The following PACRG variants were observed in gnomAD, a reference collection of about 807,000 sequenced individuals.
PACRG encodes the protein parkin coregulated gene protein.
A neutral mutation model predicts 29.7 loss-of-function variants in PACRG; 29 were observed. The ratio of observed to expected loss-of-function variants is 0.98; its 90% CI spans 0.73 to 1.33. The LOEUF (loss-of-function observed/expected upper bound fraction) is 1.33. Among genes scored for constraint, PACRG ranks in the 40% most tolerant of loss-of-function variants. The probability of loss-of-function intolerance (pLI) is 0.00; values close to 1 mark genes in which losing one functional copy is unlikely to be tolerated. For missense variants in PACRG, 279 were observed against 316.2 expected (o/e 0.88, Z 0.89); for synonymous variants, 116 against 118.7 (o/e 0.98, Z 0.15).
rs1382237006 is a variant in PACRG, at chr6:163,055,608, A to G, written c.292-6542A>G. Among the ~76,000 whole-genome samples the G allele has an allele frequency of 6.6e-6, 1 of 152,246 alleles. No homozygotes were observed. Among genetic ancestry groups the G allele is most frequent in the African/African-American group, 2.4e-5 (1 of 41,458 alleles). ...GTTAAAAAAGTTTGTGTCTCAAAATATAATGGCAAATTGTTATTCTATTAT... is the reference window on the plus strand; with the variant it reads ...GTTAAAAAAGTTTGTGTCTCAAAATGTAATGGCAAATTGTTATTCTATTAT... On this transcript the variant is annotated intron_variant, in intron 2 of 4. Coordinates refer to ENST00000366888, the MANE Select transcript of PACRG (RefSeq NM_001080379.2). The surrounding 1 kb of genome is among the most constrained non-coding windows in gnomAD (Gnocchi z 4.0).
In PACRG at chr6:163,041,036, A is replaced by G. The variant is rs576252369; in HGVS notation, c.292-21114A>G. Among the ~76,000 whole-genome samples, 3 of 152,196 alleles carry G rather than the reference A, an allele frequency of 2.0e-5. No homozygotes were observed. In the South Asian group the frequency reaches 6.2e-4, roughly 32 times the overall value. ...GTGTCCTCACCCAAATCTTATCTCA[A>G]ATTATAATCCCCATACATCAGCCGG... On this transcript the variant is annotated intron_variant, in intron 2 of 4. Coordinates refer to ENST00000366888, the MANE Select transcript of PACRG (RefSeq NM_001080379.2).
intron 2 of PACRG, among the ~76,000 whole-genome samples, chr6:162,912,358 AT>A (rs2128079284): frequency 6.6e-6 from 1 of 152,286 alleles, no homozygotes; most frequent in Admixed American, 6.5e-5. Context: ...CAGTAGCAGA[AT>A]CAACTGGTCT....
chr6:163,107,936 A>G (rs1268709785), intron 4 of PACRG, among the ~76,000 whole-genome samples: 1 of 152,204 alleles, frequency 6.6e-6, no homozygotes, highest in Non-Finnish European at 1.5e-5. Flanking sequence ...ATTTCAAGTT[A>G]TTTTATAGCC....
chr6:162,896,589 G>A (rs1317554997), intron 2 of PACRG, among the ~76,000 whole-genome samples: 1 of 152,168 alleles, frequency 6.6e-6, no homozygotes, highest in Non-Finnish European at 1.5e-5. Flanking sequence ...AACTATGATA[G>A]GAAGGTTGTG....
At chr6:162,744,219 G>A (rs998199100) in intron 1 of PACRG, among the ~76,000 whole-genome samples, 4 of 152,206 alleles carry the variant, frequency 2.6e-5, no homozygotes, top group African/African-American at 9.6e-5. Flanking sequence ...TTGAAAAAAA[G>A]ACTTTTTTTG....
intron 2 of PACRG, among the ~76,000 whole-genome samples, chr6:162,931,925 G>C (rs1170573995): frequency 6.6e-6 from 1 of 151,972 alleles, no homozygotes; most frequent in Non-Finnish European, 1.5e-5. Flanking sequence ...CAGAAGGAAA[G>C]AAAATGTATG....
chr6:162,815,038 G>A (rs1340945962), intron 2 of PACRG, among the ~76,000 whole-genome samples: 1 of 152,142 alleles, frequency 6.6e-6, no homozygotes, highest in East Asian at 1.9e-4. Context: ...TCTCTAACCA[G>A]CTTCTGCTAT....
At chr6:163,282,197 G>A (rs776813417) in intron 4 of PACRG, among the ~76,000 whole-genome samples, 1 of 152,140 alleles carries the variant, frequency 6.6e-6, no homozygotes, top group Non-Finnish European at 1.5e-5. Context: ...ACTTTGAGGT[G>A]ATATACAAAT....
intron 2 of PACRG, among the ~76,000 whole-genome samples, chr6:162,887,500 G>A (rs957754274): frequency 6.6e-6 from 1 of 152,162 alleles, no homozygotes; most frequent in Non-Finnish European, 1.5e-5. Context: ...GTATCGTATT[G>A]CATGTGATTT....
intron 4 of PACRG, among the ~76,000 whole-genome samples, chr6:163,304,463 T>C (rs768401285): frequency 4.6e-5 from 7 of 152,138 alleles, no homozygotes; most frequent in Non-Finnish European, 1.0e-4. Context: ...TATAACATAA[T>C]TACCATGATC....
At chr6:162,893,884 C>T (rs539560005) in intron 2 of PACRG, among the ~76,000 whole-genome samples, 8 of 152,284 alleles carry the variant, frequency 5.3e-5, no homozygotes, top group African/African-American at 1.9e-4. Context: ...CACTCACCAG[C>T]GAGAGTTGTC....
chr6:163,008,566 C>T (rs2128208001), intron 2 of PACRG, among the ~76,000 whole-genome samples: 1 of 150,762 alleles, frequency 6.6e-6, no homozygotes, highest in Admixed American at 6.6e-5. Context: ...TCGTTTGTGT[C>T]AAGTTTTAAG....
chr6:162,880,893 CA>C lies in PACRG; in HGVS notation c.291+66613del, dbSNP rs139064986. On this transcript the variant is annotated intron_variant, in intron 2 of 4. Coordinates refer to ENST00000366888, the MANE Select transcript of PACRG (RefSeq NM_001080379.2). ...CCACCTTGTGTAGCAAAGCATGCGCCAGGGGTGCATCGTTCAGGGCGTGGCA... is the reference window on the plus strand; with the variant it reads ...CCACCTTGTGTAGCAAAGCATGCGCCGGGGTGCATCGTTCAGGGCGTGGCA... Among the ~76,000 whole-genome samples the C allele has an allele frequency of 3.7e-3, 568 of 152,320 alleles. 3 individuals carry two copies. The highest frequency in any genetic ancestry group is 0.013 in the African/African-American group (545 of 41,568).
chr6:163,144,347 TACACAC>T (rs34737289), intron 4 of PACRG, among the ~76,000 whole-genome samples: 2 of 93,828 alleles, frequency 2.1e-5, no homozygotes, highest in Non-Finnish European at 5.5e-5. Flanking sequence ...CACACATACA[TACACAC>T]ACACACACAC....
intron 1 of PACRG, among the ~76,000 whole-genome samples, chr6:162,802,055 G>A (rs1256396118): frequency 2.6e-5 from 4 of 152,132 alleles, no homozygotes; most frequent in African/African-American, 9.7e-5. Flanking sequence ...AATGCCTTCA[G>A]ATCGAAGAGG....
chr6:163,247,505 T>G (rs927862073), intron 4 of PACRG, among the ~76,000 whole-genome samples: 2 of 152,246 alleles, frequency 1.3e-5, no homozygotes, highest in Non-Finnish European at 2.9e-5. Flanking sequence ...TTCTGTCACA[T>G]ATAGATTGTG....
intron 2 of PACRG, among the ~76,000 whole-genome samples, chr6:163,002,172 G>T (rs747964405): frequency 6.6e-6 from 1 of 152,144 alleles, no homozygotes; most frequent in African/African-American, 2.4e-5. Flanking sequence ...TGTTACTTAG[G>T]TTGATCTATA....
At chr6:162,796,705 A>C (rs555803296) in intron 1 of PACRG, among the ~76,000 whole-genome samples, 2 of 149,528 alleles carry the variant, frequency 1.3e-5, no homozygotes, top group South Asian at 4.3e-4. Context: ...TAATAGATGA[A>C]GCAAAAAAAA....
At chr6:163,041,513 T>C (rs763295378) in intron 2 of PACRG, among the ~76,000 whole-genome samples, 1 of 152,232 alleles carries the variant, frequency 6.6e-6, no homozygotes, top group East Asian at 1.9e-4. Context: ...CCAGCCACCA[T>C]GTAAGACACG....
Sources: gnomAD v4.1 joint callset for allele counts (sites outside exome capture counted in the v4.1 genomes callset) on GRCh38, gnomAD v4.1.1 for gene constraint, Gnocchi (gnomAD v3.1) non-coding constraint, MANE v1.5 for transcripts, NCBI Gene and HGNC (gene_info 2026-07-23, HGNC 2026-07-21) for gene names.